RPL21: variants seen among roughly 807,000 people sequenced by gnomAD.
The protein encoded by RPL21 is large ribosomal subunit protein eL21.
RPL21 carries 1 observed loss-of-function variant against 21.2 expected under a neutral mutation model. The ratio of observed to expected loss-of-function variants is 0.05; its 90% CI spans 0.02 to 0.22. RPL21 has a LOEUF of 0.22. Ranked by LOEUF, RPL21 falls within the 10% of genes least tolerant of loss-of-function variation. The pLI, the probability that RPL21 is intolerant of heterozygous loss-of-function variation, is 1.00. For missense variants in RPL21, 113 were observed against 199.4 expected (o/e 0.57, Z 2.61); for synonymous variants, 52 against 62.9 (o/e 0.83, Z 0.82).
intron 3 of RPL21, 110 bp downstream of exon 3, chr13:27,254,391 G>GCTTTTTTT (rs1566038795): frequency 1.2e-5 from 2 of 164,462 alleles, no homozygotes; most frequent in Non-Finnish European, 2.1e-5. Context: ...GTATAGAATG[G>GCTTTTTTT]ATTTTTTTTT....
At chr13:27,255,682 C>G (rs1881869586) in intron 4 of RPL21, 1 of 393,738 alleles carries the variant, frequency 2.5e-6, no homozygotes, top group African/African-American at 2.1e-5. Context: ...CGCCATTCTC[C>G]TGCCTCAGCC....
chr13:27,254,528 G>A (rs1881805725), intron 3 of RPL21: 3 of 488,984 alleles, frequency 6.1e-6, no homozygotes, highest in Non-Finnish European at 1.1e-5. Flanking sequence ...CCAAATAGCT[G>A]GGATTACAGG....
chr13:27,256,101 A>T, intron 4 of RPL21, 83 bp from the exon 5 acceptor site: 1 of 1,035,140 alleles, frequency 9.7e-7, no homozygotes, highest in Non-Finnish European at 1.5e-6. Flanking sequence ...TGGTTTATTT[A>T]ATAAATGAAA....
chr13:27,253,171 C>G (rs2137907744), intron 1 of RPL21, among the ~76,000 whole-genome samples: 1 of 152,264 alleles, frequency 6.6e-6, no homozygotes, highest in South Asian at 2.1e-4. Flanking sequence ...GGTGTCCCAG[C>G]TAGTAAGTGG....
At chr13:27,254,050 A>T (rs1881772598) in intron 2 of RPL21, among the ~76,000 whole-genome samples, 170 bp from the exon 3 acceptor site, 1 of 152,218 alleles carries the variant, frequency 6.6e-6, no homozygotes, top group Admixed American at 6.5e-5. Flanking sequence ...CTTTGGAGAG[A>T]GGTTGTGATT....
intron 2 of RPL21, among the ~76,000 whole-genome samples, 180 bp from the exon 3 acceptor site, chr13:27,254,040 C>G (rs1881772161): frequency 6.6e-6 from 1 of 152,132 alleles, no homozygotes; most frequent in Admixed American, 6.5e-5. Flanking sequence ...CAAGATTAAA[C>G]TTTGGAGAGA....
intron 2 of RPL21, 86 bp from the exon 3 acceptor site, chr13:27,254,134 A>G (rs990241506): frequency 1.2e-6 from 1 of 851,398 alleles, no homozygotes; most frequent in Non-Finnish European, 2.1e-6. Flanking sequence ...CAAAAATGAT[A>G]TATGTGTTAA....
At chr13:27,253,646 T>G (rs1413342926) in intron 1 of RPL21, 119 bp from the exon 2 acceptor site, 4 of 698,982 alleles carry the variant, frequency 5.7e-6, no homozygotes, top group Non-Finnish European at 1.1e-5. Flanking sequence ...TGCTTGGTGA[T>G]CCAGCTTTCA....
intron 3 of RPL21, chr13:27,254,939 T>G (rs1566039057): frequency 2.1e-6 from 1 of 487,012 alleles, no homozygotes; most frequent in Non-Finnish European, 3.8e-6. Context: ...GTTTATCAAG[T>G]TGGAAAGGAA....
At chr13:27,255,982 TA>T (rs1274099314) in intron 4 of RPL21, 4 of 569,706 alleles carry the variant, frequency 7.0e-6, no homozygotes, top group Middle Eastern at 9.6e-4. Context: ...CAAAGAGAGT[TA>T]AAAGTAGGGA....
At chr13:27,253,977 A>G in intron 2 of RPL21, 134 bp downstream of exon 2, 1 of 717,090 alleles carries the variant, frequency 1.4e-6, no homozygotes, top group Non-Finnish European at 2.5e-6. Flanking sequence ...ATTTCGTGAT[A>G]AGGTAAATAA....
At position 27,254,276 on chromosome 13, in the gene RPL21, A is replaced by C; in HGVS notation, c.124A>C (p.Ile42Leu). 6.3e-7 allele frequency: 1 copy of C among 1,576,020 alleles called. No individual in the cohort carries two copies. The highest frequency in any genetic ancestry group is 8.7e-7 in the Non-Finnish European group (1 of 1,145,176). ...CTATAAGAAAGGTGATATTGTAGAC[A>C]TCAAGGTAAACATAAAATTGGGAAA... ...RIYKKGDIVD[I>L]KGMGTVQKGM... The change falls in exon 3 of 6, where the codon ATC (isoleucine) becomes CTC (leucine). Residue 42 changes from isoleucine to leucine, a missense_variant. Transcript: ENST00000311549.
Position 27,256,178 on chromosome 13 carries a change from G to C in RPL21, c.243-6G>C, listed in dbSNP as rs1271024545. Reference sequence around the variant, plus strand: ...AAGCACTTAAAAGAATTTCTGCTCTGTCCAGGGGCAAGATTCTTGCCAAGA... The same window carrying C: ...AAGCACTTAAAAGAATTTCTGCTCTCTCCAGGGGCAAGATTCTTGCCAAGA... On this transcript the variant is annotated splice_region_variant and splice_polypyrimidine_tract_variant and intron_variant, in intron 4 of 5. Transcript: ENST00000311549. 1 of 1,588,230 alleles carries C rather than the reference G, an allele frequency of 6.3e-7. No homozygotes were observed. Among genetic ancestry groups the C allele is most frequent in the Non-Finnish European group, 8.6e-7 (1 of 1,164,714 alleles).
intron 4 of RPL21, chr13:27,255,629 T>C: frequency 1.9e-6 from 1 of 531,648 alleles, no homozygotes. Flanking sequence ...TGGAGTGCAG[T>C]GGTGGGATCT....
intron 4 of RPL21, chr13:27,255,807 C>T (rs1301977797): frequency 1.5e-5 from 5 of 326,200 alleles, no homozygotes; most frequent in South Asian, 2.6e-5. Flanking sequence ...CTCCTGACCT[C>T]GTGATCTGCC....
At chr13:27,255,454 G>T in intron 4 of RPL21, 100 bp downstream of exon 4, 1 of 774,964 alleles carries the variant, frequency 1.3e-6, no homozygotes. Context: ...TCATTCAAGT[G>T]GGGCAAAGGA....
intron 3 of RPL21, chr13:27,254,799 G>A (rs1435515579): frequency 2.9e-6 from 1 of 347,908 alleles, no homozygotes; most frequent in Non-Finnish European, 5.5e-6. Flanking sequence ...ATTATTACAG[G>A]TGTGAACCAC....
chr13:27,252,615 C>T (rs1471909654), intron 1 of RPL21, among the ~76,000 whole-genome samples: 1 of 152,134 alleles, frequency 6.6e-6, no homozygotes, highest in Non-Finnish European at 1.5e-5. Flanking sequence ...TGAATCTACA[C>T]AGTATCACCC....
rs555263610 is a variant in RPL21 at position 27,254,392 on chromosome 13, A to ATTTTTTTTTTTTTTTTTTTTTTTT, written c.129+130_129+131insTTTTTTTTTTTTTTTTTTTTTTTT. The ATTTTTTTTTTTTTTTTTTTTTTTT allele has an allele frequency of 8.8e-6, 2 of 227,354 alleles. 1 individual carries two copies. Among genetic ancestry groups the ATTTTTTTTTTTTTTTTTTTTTTTT allele is most frequent in the African/African-American group, 8.0e-5 (2 of 24,920 alleles). 14.1% of individuals were successfully genotyped at this position (227,354 alleles called of 1,614,324 possible). A position where few individuals can be genotyped will look rare whatever the true frequency, so the allele number is the denominator to read the frequency against. ...TTGCATCTGTAAGAGTATAGAATGG[A>ATTTTTTTTTTTTTTTTTTTTTTTT]TTTTTTTTTTTTTTTTTTTGGAGAC... On this transcript the variant is annotated intron_variant, in intron 3 of 5. Coordinates refer to ENST00000311549, the MANE Select transcript of RPL21 (RefSeq NM_000982.4).
Sources: allele counts gnomAD v4.1 joint callset (sites outside exome capture counted in the v4.1 genomes callset), GRCh38; gene constraint gnomAD v4.1.1; transcripts MANE v1.5; gene names NCBI Gene and HGNC (gene_info 2026-07-23, HGNC 2026-07-21).